SYTL2: variants seen among roughly 807,000 people sequenced by gnomAD.
SYTL2 encodes synaptotagmin-like protein 2.
Under a neutral mutation model 198.7 loss-of-function variants are expected in SYTL2, and 165 were observed. The observed-to-expected ratio is 0.83, with a 90% confidence interval of 0.73 to 0.94. SYTL2 has a LOEUF of 0.94. Among genes scored for constraint, SYTL2 ranks in the 40% least tolerant of loss-of-function variants. The pLI is 0.00. For missense variants in SYTL2, 2,835 were observed against 2,582.8 expected (o/e 1.10, Z -2.12); for synonymous variants, 966 against 917.7 (o/e 1.05, Z -0.95).
chr11:85,705,530 A>G (rs1389933647), intron 15 of SYTL2, among the ~76,000 whole-genome samples: 1 of 152,094 alleles, frequency 6.6e-6, no homozygotes, highest in Non-Finnish European at 1.5e-5. Flanking sequence ...CACTATCAAC[A>G]TCCCACACAG....
the SYTL2 span, among the ~76,000 whole-genome samples, chr11:85,833,098 AGAAGGAAGGAAGGAAGGAAGGAAGGAAG>A: frequency 3.1e-5 from 1 of 32,472 alleles, no homozygotes; most frequent in Non-Finnish European, 6.9e-5. Context: ...AAAGAAAGAA[AGAAGGAAGGAAGGAAGGAAGGAAGGAAG>A]GAAGGAAGGA....
chr11:85,720,996 CCA>C, intron 8 of SYTL2, 37 bp from the exon 9 acceptor site: 1 of 1,195,474 alleles, frequency 8.4e-7, no homozygotes, highest in South Asian at 1.4e-5. Flanking sequence ...CTGCACAATA[CCA>C]AAAAAAAAAA....
chr11:85,707,477 T>C lies in SYTL2; in HGVS notation c.5970A>G (p.Thr1990=). 1 of 1,614,068 alleles carries C rather than the reference T, an allele frequency of 6.2e-7. No individual in the cohort carries two copies. ...PDKGKMGKKK[T]LVVKKTLNPV... is the part of the protein sequence containing the mutation. ...GATTCAAGGTTTTCTTCACTACGAG[T>C]GTTTTCTTCTTGCCCATTTTGCCTT... The change falls in exon 15 of 20, where the codon ACA becomes ACG. Residue 1990 remains threonine (T), a synonymous_variant. Coordinates refer to ENST00000359152, the MANE Select transcript of SYTL2 (RefSeq NM_206927.4).
intron 13 of SYTL2, among the ~76,000 whole-genome samples, chr11:85,710,052 C>T (rs1266327989): frequency 6.6e-6 from 1 of 152,186 alleles, no homozygotes; most frequent in Admixed American, 6.5e-5. Flanking sequence ...TATTTAGATG[C>T]TGGCTCATTT....
At chr11:85,790,218 G>T (rs552025575) in intron 1 of SYTL2, among the ~76,000 whole-genome samples, 1 of 152,190 alleles carries the variant, frequency 6.6e-6, no homozygotes, top group Admixed American at 6.5e-5. Flanking sequence ...TCATGTCAGG[G>T]CTCAAAATGT....
At chr11:85,778,111 G>T (rs1235429620) in intron 1 of SYTL2, among the ~76,000 whole-genome samples, 1 of 152,080 alleles carries the variant, frequency 6.6e-6, no homozygotes, top group East Asian at 1.9e-4. Context: ...GAACCATCAT[G>T]CCCGGCCGGT....
At chr11:85,698,261 C>T (rs543268775) in intron 17 of SYTL2, among the ~76,000 whole-genome samples, 183 bp from the exon 18 acceptor site, 3 of 152,210 alleles carry the variant, frequency 2.0e-5, no homozygotes, top group East Asian at 3.9e-4. Flanking sequence ...TTACTGAACT[C>T]GATAGCTCTA....
chr11:85,724,511 G>A lies in SYTL2; in HGVS notation c.4847C>T (p.Ser1616Leu). 6 of 1,613,870 alleles carry A rather than the reference G, an allele frequency of 3.7e-6. No individual in the cohort carries two copies. The highest frequency in any genetic ancestry group is 5.1e-6 in the Non-Finnish European group (6 of 1,180,006). Residue 1616 changes from serine (S) to leucine (L), a missense_variant, in exon 8 of 20, where the codon TCA (serine) becomes TTA (leucine). This residue lies in a region of SYTL2 where 2,645 missense variants were observed against 2,381.7 expected (regional missense o/e 1.11). Coordinates refer to ENST00000359152, the MANE Select transcript of SYTL2 (RefSeq NM_206927.4). The part of the protein sequence containing the change: ...GTVPHFYRAA[S>L]QTSEMKDKSN... ...TTTATCCTTCATTTCAGAGGTCTGT[G>A]AGGCTGCCCTGTAAAAATGGGGCAC...
intron 12 of SYTL2, among the ~76,000 whole-genome samples, chr11:85,713,450 G>A (rs1054200580): frequency 1.3e-5 from 2 of 152,212 alleles, no homozygotes; most frequent in Non-Finnish European, 2.9e-5. Context: ...CAGACTCAGA[G>A]AAGGTACTGA....
At position 85,725,131 on chromosome 11, in the gene SYTL2, G is replaced by A. The variant is rs2088948828; in HGVS notation, c.4227C>T (p.Ser1409=). The change falls in exon 8 of 20, where the codon AGC becomes AGT. Residue 1409 remains serine, a synonymous_variant. Coordinates refer to ENST00000359152, the MANE Select transcript of SYTL2 (RefSeq NM_206927.4). ...EFPEAVQPVC[S]PLNPPGVISP... ...ATATCACTCCTGGAGGATTTAGGGGGCTACATACTGGCTGTACTGCTTCAG... is the reference window on the plus strand; with the variant it reads ...ATATCACTCCTGGAGGATTTAGGGGACTACATACTGGCTGTACTGCTTCAG... 2 of 1,613,986 alleles carry A rather than the reference G, an allele frequency of 1.2e-6. No homozygotes were observed. Among genetic ancestry groups the A allele is most frequent in the African/African-American group, 1.3e-5 (1 of 74,924 alleles).
chr11:85,740,324 GCTTT>G (rs1294685878), intron 4 of SYTL2, among the ~76,000 whole-genome samples: 1 of 151,948 alleles, frequency 6.6e-6, no homozygotes, highest in African/African-American at 2.4e-5. Flanking sequence ...TGTTCTTTTT[GCTTT>G]CTTTGTCTAC....
intron 4 of SYTL2, among the ~76,000 whole-genome samples, chr11:85,741,712 T>G (rs761352573): frequency 1.3e-5 from 2 of 152,118 alleles, no homozygotes; most frequent in African/African-American, 2.4e-5. Flanking sequence ...GTAAACGCAA[T>G]AGCTAATCCT....
At chr11:85,807,205 T>C (rs1286545850) in intron 1 of SYTL2, among the ~76,000 whole-genome samples, 1 of 152,218 alleles carries the variant, frequency 6.6e-6, no homozygotes, top group African/African-American at 2.4e-5. Context: ...GGGACTATCT[T>C]CTGTCCTCTT....
intron 16 of SYTL2, among the ~76,000 whole-genome samples, chr11:85,701,028 ATT>A (rs1313208205): frequency 6.6e-6 from 1 of 152,206 alleles, no homozygotes; most frequent in African/African-American, 2.4e-5. Flanking sequence ...CATATCTTAC[ATT>A]TTCAAAGCTG....
Position 85,797,448 on chromosome 11 carries a change from T to C in SYTL2, c.-390+13506A>G, listed in dbSNP as rs375882257. Among the ~76,000 whole-genome samples the C allele has an allele frequency of 5.3e-5, 8 of 151,860 alleles. No homozygotes were observed. In the East Asian group the frequency reaches 7.8e-4, roughly 15 times the overall value. ...TTCGAGACCAGCCTGGCCAACATGG[T>C]GAAACCCCGTCTCTACTGAAAATAC... On this transcript the variant is annotated intron_variant, in intron 1 of 19. Coordinates refer to ENST00000359152, the MANE Select transcript of SYTL2 (RefSeq NM_206927.4).
chr11:85,820,887 A>G, the SYTL2 span, among the ~76,000 whole-genome samples: 3 of 152,228 alleles, frequency 2.0e-5, no homozygotes, highest in Non-Finnish European at 2.9e-5. Context: ...ACTGTAGGAG[A>G]CATATAAGAG....
At position 85,724,616 on chromosome 11, in the gene SYTL2, TAAG is replaced by T; in HGVS notation, c.4739_4741del (p.Pro1580_Tyr1581delinsHis). On this transcript the variant is annotated inframe_deletion, in exon 8 of 20. Transcript: ENST00000359152. ...TTCTCTCACTGACACCTGGGGCTGATAAGGAGGAGCTTCAGTTATTTCTTTAAG... is the reference window on the plus strand; with the variant it reads ...TTCTCTCACTGACACCTGGGGCTGATGAGGAGCTTCAGTTATTTCTTTAAG... 6.2e-7 allele frequency: 1 copy of T among 1,613,404 alleles called. No homozygotes were observed. Among genetic ancestry groups the T allele is most frequent in the South Asian group, 1.1e-5 (1 of 90,980 alleles).
At chr11:85,809,308 C>T (rs1007805947) in intron 1 of SYTL2, among the ~76,000 whole-genome samples, 7 of 152,224 alleles carry the variant, frequency 4.6e-5, no homozygotes, top group African/African-American at 1.7e-4. Flanking sequence ...CTGCCCCACC[C>T]ACGCACTAGC....
chr11:85,719,321 G>T, intron 9 of SYTL2: 1 of 1,156,224 alleles, frequency 8.6e-7, no homozygotes, highest in Non-Finnish European at 1.1e-6. Flanking sequence ...CTGCTAAGTG[G>T]AATCTTGGCA....
Sources: allele counts gnomAD v4.1 joint callset (sites outside exome capture counted in the v4.1 genomes callset), GRCh38; gene constraint gnomAD v4.1.1; regional missense constraint gnomAD v4.1.1; transcripts MANE v1.5; gene names NCBI Gene and HGNC (gene_info 2026-07-23, HGNC 2026-07-21).